The following GPRC5A variants were observed in gnomAD, a reference collection of about 807,000 sequenced individuals.
GPRC5A encodes the protein retinoic acid-induced protein 3.
In GPRC5A, 19 loss-of-function variants were observed where a neutral mutation model predicts 22.5. That is an observed-to-expected ratio of 0.85 (90% CI 0.59 to 1.24). The LOEUF (loss-of-function observed/expected upper bound fraction) is 1.24. Ranked by LOEUF, GPRC5A falls within the 50% of genes most tolerant of loss-of-function variation. The probability of loss-of-function intolerance (pLI) is 0.00; values close to 1 mark genes in which losing one functional copy is unlikely to be tolerated. For missense variants in GPRC5A, 471 were observed against 451.1 expected (o/e 1.04, Z -0.40); for synonymous variants, 192 against 184.5 (o/e 1.04, Z -0.33).
At chr12:12,906,246 G>A (rs1486124219) in intron 1 of GPRC5A, among the ~76,000 whole-genome samples, 1 of 152,188 alleles carries the variant, frequency 6.6e-6, no homozygotes, top group Non-Finnish European at 1.5e-5. Context: ...ATGAAATGAA[G>A]TAAGTAATGT....
intron 1 of GPRC5A, among the ~76,000 whole-genome samples, chr12:12,893,690 A>G (rs568803174): frequency 5.3e-4 from 80 of 152,356 alleles, no homozygotes; most frequent in African/African-American, 1.9e-3. Context: ...ACTATGGTCC[A>G]TGGACCAAAT....
chr12:12,894,570 G>A (rs1000445540), intron 1 of GPRC5A, among the ~76,000 whole-genome samples: 2 of 151,788 alleles, frequency 1.3e-5, no homozygotes, highest in Non-Finnish European at 2.9e-5. Flanking sequence ...CACTACACCT[G>A]GCTAATTTTT....
chr12:12,912,315 T>C, intron 3 of GPRC5A, 132 bp from the exon 4 acceptor site: 1 of 841,476 alleles, frequency 1.2e-6, no homozygotes. Context: ...GAATGAGTGC[T>C]TGGCATAGAG....
intron 1 of GPRC5A, among the ~76,000 whole-genome samples, chr12:12,904,506 C>T (rs7311242): frequency 0.46 from 70,109 of 151,850 alleles, 17,218 homozygotes; most frequent in East Asian, 0.92. Context: ...CCATCCGTCT[C>T]TCTCTTCTAC....
rs1372790473 is a variant in GPRC5A at position 12,916,359 on chromosome 12, A to G, written c.*3820A>G. 6.6e-6 allele frequency: 1 copy of G among 152,238 alleles called. No individual in the cohort carries two copies. The highest frequency in any genetic ancestry group is 1.5e-5 in the Non-Finnish European group (1 of 68,092). The allele number at this position is 152,238 out of a possible 1,614,324, so 9.4% of individuals were successfully genotyped here. ...AATAGAGCGTGTCTCTCTGCCTCTC[A>G]TTTTAGGCTGAGGCCGTCCAAAGCG... On this transcript the variant is annotated 3_prime_UTR_variant, in exon 4 of 4. Transcript: ENST00000014914.
At chr12:12,897,189 T>C (rs1415375387) in intron 1 of GPRC5A, among the ~76,000 whole-genome samples, 1 of 139,670 alleles carries the variant, frequency 7.2e-6, no homozygotes, top group African/African-American at 2.7e-5. Flanking sequence ...ATCATGCCAC[T>C]GTACTCCCAG....
chr12:12,896,569 A>G (rs1863824771), intron 1 of GPRC5A, among the ~76,000 whole-genome samples: 1 of 152,170 alleles, frequency 6.6e-6, no homozygotes. Context: ...TTCATCTCCA[A>G]AAAATTTTCC....
At chr12:12,903,447 A>G (rs1863910447) in intron 1 of GPRC5A, among the ~76,000 whole-genome samples, 1 of 151,994 alleles carries the variant, frequency 6.6e-6, no homozygotes, top group Non-Finnish European at 1.5e-5. Flanking sequence ...CACCTGGCTA[A>G]TTTTTACATT....
chr12:12,914,570 T>TTC lies in GPRC5A; in HGVS notation c.*2033_*2034dup, dbSNP rs1209074494. ...CTTTCTTCTTTCTTTCTTTCTTTCTTTCTTTCTTTCTTTCTTTCTTTCTTT... is the reference window on the plus strand; with the variant it reads ...CTTTCTTCTTTCTTTCTTTCTTTCTTTCTCTTTCTTTCTTTCTTTCTTTCTTT... On this transcript the variant is annotated 3_prime_UTR_variant, in exon 4 of 4. Transcript: ENST00000014914. The TTC allele has an allele frequency of 8.7e-4, 67 of 77,034 alleles. No individual in the cohort carries two copies. The highest frequency in any genetic ancestry group is 5.4e-3 in the African/African-American group (67 of 12,334). The allele number at this position is 77,034 out of a possible 1,614,324, so 4.8% of individuals were successfully genotyped here.
intron 1 of GPRC5A, among the ~76,000 whole-genome samples, chr12:12,902,881 A>G (rs1863904212): frequency 6.6e-6 from 1 of 152,190 alleles, no homozygotes; most frequent in Non-Finnish European, 1.5e-5. Flanking sequence ...CAGCCTGATC[A>G]ACATGGAGAA....
At position 12,917,246 on chromosome 12, in the gene GPRC5A, GTGTGTGCGTGCGTGCGTGTA is replaced by G. The variant is rs1244656905; in HGVS notation, c.*4712_*4731del. 1 of 78,612 alleles carries G rather than the reference GTGTGTGCGTGCGTGCGTGTA, an allele frequency of 1.3e-5. No individual in the cohort carries two copies. The highest frequency in any genetic ancestry group is 2.5e-5 in the Non-Finnish European group (1 of 39,962). 4.9% of individuals were successfully genotyped at this position (78,612 alleles called of 1,614,324 possible). On this transcript the variant is annotated 3_prime_UTR_variant, in exon 4 of 4. Coordinates refer to ENST00000014914, the MANE Select transcript of GPRC5A (RefSeq NM_003979.4). ...TGTGTGTGTGTGTGTGTGTGTGTGT[GTGTGTGCGTGCGTGCGTGTA>G]TGTGCGCCTGACCCTGATTTCTGCA...
chr12:12,900,891 C>CAAAAAAAAAACAAAAAAAAAA (rs1863876907), intron 1 of GPRC5A, among the ~76,000 whole-genome samples: 1 of 21,680 alleles, frequency 4.6e-5, no homozygotes, highest in Non-Finnish European at 9.4e-5. Flanking sequence ...AACTCCGTCT[C>CAAAAAAAAAACAAAAAAAAAA]AAAAAAAAAA....
rs1001307222 is a variant in GPRC5A, at chr12:12,917,629, C to G, written c.*5090C>G. Reference sequence around the variant, plus strand: ...CCCTGATTTCTCCTCTGGTCATCTCCTCTCCCTTCTGCGTGTAAGCCATGG... The same window carrying G: ...CCCTGATTTCTCCTCTGGTCATCTCGTCTCCCTTCTGCGTGTAAGCCATGG... On this transcript the variant is annotated 3_prime_UTR_variant, in exon 4 of 4. Transcript: ENST00000014914. The G allele has an allele frequency of 2.6e-5, 4 of 152,248 alleles. No homozygotes were observed. Among genetic ancestry groups the G allele is most frequent in the Non-Finnish European group, 4.4e-5 (3 of 68,080 alleles). 9.4% of individuals were successfully genotyped at this position (152,248 alleles called of 1,614,324 possible).
chr12:12,908,478 G>A lies in GPRC5A; in HGVS notation c.229G>A (p.Gly77Ser). ...TQFLFLLGVL[G>S]IFGLTFAFII... Reference sequence around the variant, plus strand: ...GTTTCTCTTCCTCCTGGGTGTGTTGGGCATCTTTGGCCTCACCTTCGCCTT... The same window carrying A: ...GTTTCTCTTCCTCCTGGGTGTGTTGAGCATCTTTGGCCTCACCTTCGCCTT... Residue 77 changes from glycine (G) to serine (S), a missense_variant, in exon 2 of 4, where the codon GGC becomes AGC. By Grantham distance (56) the Gly-to-Ser change is moderately conservative. Coordinates refer to ENST00000014914, the MANE Select transcript of GPRC5A (RefSeq NM_003979.4). 2 of 1,614,068 alleles carry A rather than the reference G, an allele frequency of 1.2e-6. No homozygotes were observed. Among genetic ancestry groups the A allele is most frequent in the South Asian group, 2.2e-5 (2 of 91,052 alleles).
intron 1 of GPRC5A, among the ~76,000 whole-genome samples, chr12:12,904,884 G>GGT (rs1565464314): frequency 7.9e-6 from 1 of 127,282 alleles, no homozygotes; most frequent in Non-Finnish European, 1.6e-5. Context: ...AAATTTTGTG[G>GGT]TTTTTTTTTT....
At chr12:12,907,751 C>T (rs999429199) in intron 1 of GPRC5A, among the ~76,000 whole-genome samples, 1 of 152,154 alleles carries the variant, frequency 6.6e-6, no homozygotes, top group Non-Finnish European at 1.5e-5. Flanking sequence ...CCCACCTCAG[C>T]CTTTTGAGTA....
At chr12:12,905,450 C>CA (rs1397260062) in intron 1 of GPRC5A, among the ~76,000 whole-genome samples, 2 of 151,600 alleles carry the variant, frequency 1.3e-5, no homozygotes, top group African/African-American at 4.9e-5. Context: ...CATTGGGAAA[C>CA]AAAAAACTCA....
intron 2 of GPRC5A, among the ~76,000 whole-genome samples, chr12:12,910,675 T>C (rs1291950796): frequency 1.3e-5 from 2 of 152,180 alleles, no homozygotes; most frequent in Admixed American, 1.3e-4. Flanking sequence ...TCTTCTGCCC[T>C]TCTCCAGGAT....
intron 1 of GPRC5A, among the ~76,000 whole-genome samples, chr12:12,899,127 C>T (rs199624716): frequency 6.6e-6 from 1 of 152,142 alleles, no homozygotes; most frequent in Non-Finnish European, 1.5e-5. Context: ...TTCCTGGGCT[C>T]AAGCAATCCT....
Sources: gnomAD v4.1 joint callset for allele counts (sites outside exome capture counted in the v4.1 genomes callset) on GRCh38, gnomAD v4.1.1 for gene constraint, MANE v1.5 for transcripts, NCBI Gene and HGNC (gene_info 2026-07-23, HGNC 2026-07-21) for gene names.